FARP2: variants seen among roughly 807,000 people sequenced by gnomAD.
The protein encoded by FARP2 is FERM, ARH/RhoGEF and pleckstrin domain protein 2, also known as FERM, ARHGEF and pleckstrin domain-containing protein 2.
A neutral mutation model predicts 130.5 loss-of-function variants in FARP2; 111 were observed. That is an observed-to-expected ratio of 0.85 (90% CI 0.73 to 1.00). The LOEUF is 1.00. Among genes scored for constraint, FARP2 ranks in the 50% least tolerant of loss-of-function variants. FARP2 has a pLI of 0.00. For synonymous variants in FARP2, 504 were observed against 516.9 expected (o/e 0.98, Z 0.34); for missense variants, 1,385 against 1,346.3 (o/e 1.03, Z -0.45).
chr2:241,361,222 T>C (rs1049341378), intron 1 of FARP2, among the ~76,000 whole-genome samples: 4 of 152,160 alleles, frequency 2.6e-5, no homozygotes, highest in Non-Finnish European at 4.4e-5. Context: ...TCAGACCCCA[T>C]TGGACCTATT....
chr2:241,440,922 G>A (rs879570202), intron 12 of FARP2, among the ~76,000 whole-genome samples: 1 of 152,170 alleles, frequency 6.6e-6, no homozygotes, highest in Non-Finnish European at 1.5e-5. Flanking sequence ...AGGCGAAGAT[G>A]GGTGGATCAC....
intron 19 of FARP2, among the ~76,000 whole-genome samples, chr2:241,479,554 C>T (rs2064562708): frequency 6.6e-6 from 1 of 152,236 alleles, no homozygotes; most frequent in African/African-American, 2.4e-5. Flanking sequence ...CCGACACAGG[C>T]TATGATCCTG....
intron 1 of FARP2, among the ~76,000 whole-genome samples, chr2:241,363,654 A>G (rs1330270921): frequency 6.6e-6 from 1 of 152,272 alleles, no homozygotes; most frequent in Admixed American, 6.5e-5. Flanking sequence ...CTGGCCACCA[A>G]GCAAGTAGGG....
At chr2:241,419,232 G>A (rs1405953527) in intron 8 of FARP2, among the ~76,000 whole-genome samples, 1 of 152,074 alleles carries the variant, frequency 6.6e-6, no homozygotes, top group Non-Finnish European at 1.5e-5. Context: ...TACTAAATGT[G>A]ATTAGAGAGC....
At chr2:241,454,108 G>A (rs2063767897) in intron 13 of FARP2, among the ~76,000 whole-genome samples, 1 of 151,938 alleles carries the variant, frequency 6.6e-6, no homozygotes, top group Non-Finnish European at 1.5e-5. Flanking sequence ...CTAATTTACA[G>A]CCCTATTACC....
At chr2:241,401,441 A>T (rs1239500494) in intron 2 of FARP2, among the ~76,000 whole-genome samples, 1 of 152,270 alleles carries the variant, frequency 6.6e-6, no homozygotes, top group African/African-American at 2.4e-5. Flanking sequence ...TTTATTACAT[A>T]TAAATGTATC....
chr2:241,358,672 T>C (rs2061119247), intron 1 of FARP2, among the ~76,000 whole-genome samples: 2 of 152,230 alleles, frequency 1.3e-5, no homozygotes, highest in African/African-American at 4.8e-5. Context: ...AAACACAGCA[T>C]AGTGCTAGAT....
chr2:241,369,143 G>T (rs1007594678), intron 1 of FARP2, among the ~76,000 whole-genome samples: 1 of 152,056 alleles, frequency 6.6e-6, no homozygotes, highest in African/African-American at 2.4e-5. Context: ...GTGCAAACGT[G>T]TAAAGATTTC....
intron 2 of FARP2, among the ~76,000 whole-genome samples, chr2:241,381,198 A>G (rs868627771): frequency 2.4e-4 from 36 of 151,964 alleles, no homozygotes; most frequent in African/African-American, 8.2e-4. Context: ...GTTGTGGGCT[A>G]TAAGTAGTGC....
intron 12 of FARP2, among the ~76,000 whole-genome samples, chr2:241,437,666 A>T (rs372839119): frequency 0.03 from 3,818 of 128,484 alleles, 99 homozygotes; most frequent in Admixed American, 0.08. Flanking sequence ...TTATTTATTT[A>T]TTTATTTTTT....
chr2:241,359,881 A>G (rs2061146662), intron 1 of FARP2, among the ~76,000 whole-genome samples: 2 of 152,158 alleles, frequency 1.3e-5, no homozygotes, highest in South Asian at 4.1e-4. Flanking sequence ...ATTAAATGAG[A>G]TGACATAAGC....
chr2:241,487,746 C>T (rs373313623), intron 21 of FARP2, among the ~76,000 whole-genome samples: 12 of 73,218 alleles, frequency 1.6e-4, no homozygotes, highest in Non-Finnish European at 1.9e-4. Flanking sequence ...CTAGCCTACT[C>T]TTTTTTTTTT....
intron 1 of FARP2, among the ~76,000 whole-genome samples, chr2:241,360,767 A>G (rs2061168578): frequency 1.3e-5 from 2 of 152,154 alleles, no homozygotes; most frequent in Non-Finnish European, 2.9e-5. Flanking sequence ...GAGAAAAATA[A>G]CGTTTGTTAA....
intron 2 of FARP2, among the ~76,000 whole-genome samples, chr2:241,375,637 G>T (rs2061518846): frequency 6.6e-6 from 1 of 152,190 alleles, no homozygotes; most frequent in African/African-American, 2.4e-5. Context: ...TATGGTTTCA[G>T]TTAAATATAA....
chr2:241,491,561 C>A lies in FARP2; in HGVS notation c.2669C>A (p.Ala890Asp). The change falls in exon 24 of 27, where the codon GCT becomes GAT. Residue 890 changes from alanine (A) to aspartate (D), a missense_variant. Coordinates refer to ENST00000264042, the MANE Select transcript of FARP2 (RefSeq NM_014808.4). ...CTGGAGCAGGAGTCAGAAGATGATG[C>A]TCGGGGTGTCCGCAGCTCCCTGGAG... ...VSLEQESEDD[A>D]RGVRSSLEGH... 1 of 1,613,786 alleles carries A rather than the reference C, an allele frequency of 6.2e-7. No individual in the cohort carries two copies. Among genetic ancestry groups the A allele is most frequent in the Non-Finnish European group, 8.5e-7 (1 of 1,179,956 alleles).
intron 21 of FARP2, among the ~76,000 whole-genome samples, chr2:241,486,009 C>T (rs968289249): frequency 6.6e-6 from 1 of 152,252 alleles, no homozygotes; most frequent in Admixed American, 6.5e-5. Flanking sequence ...TTTAATTCCA[C>T]TTCTCAGGCC....
chr2:241,427,840 A>G (rs1256667569), intron 8 of FARP2, among the ~76,000 whole-genome samples: 1 of 151,986 alleles, frequency 6.6e-6, no homozygotes, highest in Non-Finnish European at 1.5e-5. Flanking sequence ...ATCTCAGCTC[A>G]CTGCAACCTC....
At chr2:241,433,661 A>AAT (rs1230381502) in intron 9 of FARP2, among the ~76,000 whole-genome samples, 1 of 152,082 alleles carries the variant, frequency 6.6e-6, no homozygotes, top group Non-Finnish European at 1.5e-5. Flanking sequence ...TTCTACTATG[A>AAT]ATATATATAC....
intron 13 of FARP2, among the ~76,000 whole-genome samples, chr2:241,449,873 G>A (rs2150435348): frequency 6.6e-6 from 1 of 152,140 alleles, no homozygotes; most frequent in South Asian, 2.1e-4. Context: ...TAGGCATGGT[G>A]GCGGGTGCCT....
Sources: allele counts gnomAD v4.1 joint callset (sites outside exome capture counted in the v4.1 genomes callset), GRCh38; gene constraint gnomAD v4.1.1; transcripts MANE v1.5; gene names NCBI Gene and HGNC (gene_info 2026-07-23, HGNC 2026-07-21).